The following TENM4 variants were observed in gnomAD, a reference collection of about 807,000 sequenced individuals.
TENM4 encodes the protein teneurin transmembrane protein 4.
A neutral mutation model predicts 243.3 loss-of-function variants in TENM4; 82 were observed. The ratio of observed to expected loss-of-function variants is 0.34; its 90% CI spans 0.28 to 0.40. The LOEUF (loss-of-function observed/expected upper bound fraction) is 0.40, where lower values mean the gene tolerates loss of function less well. Ranked by LOEUF, TENM4 falls within the 10% of genes least tolerant of loss-of-function variation. The pLI, the probability that TENM4 is intolerant of heterozygous loss-of-function variation, is 1.00. For missense variants in TENM4, 3,138 were observed against 3,673.3 expected, an observed-to-expected ratio of 0.85 and a Z score of 3.77; for synonymous variants, 1,412 against 1,456.3, an observed-to-expected ratio of 0.97 and a Z score of 0.69.
chr11:78,689,414 A>G (rs922391493), intron 28 of TENM4, among the ~76,000 whole-genome samples: 17 of 151,810 alleles, frequency 1.1e-4, no homozygotes, highest in Admixed American at 1.1e-3. Context: ...CTACATGGCA[A>G]TATTCCTGAC....
At chr11:79,099,673 C>A (rs1317006940) in intron 4 of TENM4, among the ~76,000 whole-genome samples, 2 of 152,214 alleles carry the variant, frequency 1.3e-5, no homozygotes, top group African/African-American at 4.8e-5. Context: ...TGCTGACACC[C>A]TATACATCTG....
At position 79,440,593 on chromosome 11, in the gene TENM4, T is replaced by C. The variant is rs1346266235; in HGVS notation, c.-405A>G. ...GCCGCGCCGGTGGCTCCTCTCTCTC[T>C]CGGCGGCGCGGCTCCTCTGCTCCGC... On this transcript the variant is annotated 5_prime_UTR_variant, in exon 1 of 34. Coordinates refer to ENST00000278550, the MANE Select transcript of TENM4 (RefSeq NM_001098816.3). This position sits in a 1 kb window ranked among gnomAD's most constrained non-coding sequence, Gnocchi z 4.7. The C allele has an allele frequency of 6.6e-6, 1 of 151,848 alleles. No homozygotes were observed. Among genetic ancestry groups the C allele is most frequent in the Non-Finnish European group, 1.5e-5 (1 of 67,982 alleles). 9.4% of individuals were successfully genotyped at this position (151,848 alleles called of 1,614,324 possible). A position where few individuals can be genotyped will look rare whatever the true frequency, so the allele number is the denominator to read the frequency against.
rs575941766 is a variant in TENM4, at chr11:79,245,354, G to A, written c.-264-29445C>T. Among the ~76,000 whole-genome samples, 30 of 152,314 alleles carry A rather than the reference G, an allele frequency of 2.0e-4. 1 individual carries two copies. The highest frequency in any genetic ancestry group is 3.4e-3 in the Middle Eastern group (1 of 294). On this transcript the variant is annotated intron_variant, in intron 2 of 33. Transcript: ENST00000278550. ...AACTTGAACTAGGACGTGGATCAGT[G>A]TGCAGTTGTCAATAGGGCATTAGCC... is the stretch of plus-strand genomic sequence containing the variant.
intron 7 of TENM4, among the ~76,000 whole-genome samples, chr11:78,900,288 G>C (rs1040994560): frequency 2.0e-5 from 3 of 152,218 alleles, no homozygotes; most frequent in Non-Finnish European, 2.9e-5. Context: ...GAAGGTCTTG[G>C]TCCATAGCTA....
intron 21 of TENM4, among the ~76,000 whole-genome samples, chr11:78,731,119 A>G (rs1009144869): frequency 6.6e-6 from 1 of 152,236 alleles, no homozygotes; most frequent in African/African-American, 2.4e-5. Context: ...GCAGGCACCC[A>G]GCTCAGGGAG....
At chr11:79,310,121 C>A (rs565911177) in intron 1 of TENM4, among the ~76,000 whole-genome samples, 2 of 152,186 alleles carry the variant, frequency 1.3e-5, no homozygotes, top group Non-Finnish European at 2.9e-5. Flanking sequence ...GCTCAGTCTA[C>A]CCAGGGCCCA....
In TENM4 at chr11:78,872,253, G is replaced by C. The variant is rs761474823; in HGVS notation, c.1085-9121C>G. On this transcript the variant is annotated intron_variant, in intron 9 of 33. Coordinates refer to ENST00000278550, the MANE Select transcript of TENM4 (RefSeq NM_001098816.3). ...TGATCAGGACAAAAATGCAGCTTTT[G>C]TCAAATCACTATCAACAGGGCAAGC... 2.3e-3 allele frequency among the ~76,000 whole-genome samples: 355 copies of C among 152,248 alleles called. 5 individuals are homozygous for C. The highest frequency in any genetic ancestry group is 3.0e-3 in the Non-Finnish European group (203 of 68,022).
chr11:79,309,808 G>T (rs1856688703), intron 1 of TENM4, among the ~76,000 whole-genome samples: 1 of 152,160 alleles, frequency 6.6e-6, no homozygotes, highest in Non-Finnish European at 1.5e-5. Context: ...TATAGCATCG[G>T]TTTCCTCACC....
chr11:78,897,957 A>G (rs1309968196), intron 7 of TENM4, among the ~76,000 whole-genome samples: 2 of 152,216 alleles, frequency 1.3e-5, no homozygotes, highest in Admixed American at 6.5e-5. Context: ...AAGGTCTGGC[A>G]GCCTTCTGCT....
Position 78,816,908 on chromosome 11 carries a change from T to A in TENM4, c.1682-2513A>T, listed in dbSNP as rs550387394. On this transcript the variant is annotated intron_variant, in intron 12 of 33. Transcript: ENST00000278550. ...AAGAAAACCTAGTTTTGGGATCTAC[T>A]CTTAGTACCATGATCTGTGACCTAA... Among the ~76,000 whole-genome samples, 7 of 152,308 alleles carry A rather than the reference T, an allele frequency of 4.6e-5. No homozygotes were observed. In the South Asian group the frequency reaches 1.0e-3, roughly 23 times the overall value.
chr11:78,685,435 C>T (rs530057507), intron 29 of TENM4, among the ~76,000 whole-genome samples: 3 of 152,254 alleles, frequency 2.0e-5, no homozygotes, highest in Admixed American at 6.5e-5. Context: ...GGCAGAGCTA[C>T]CAAAGAGGAA....
At chr11:79,012,801 C>G (rs748644772) in intron 6 of TENM4, among the ~76,000 whole-genome samples, 2 of 152,162 alleles carry the variant, frequency 1.3e-5, no homozygotes, top group African/African-American at 4.8e-5. Context: ...CGAGGACGAC[C>G]TTTCCCAGCT....
chr11:78,778,318 T>G, intron 17 of TENM4, among the ~76,000 whole-genome samples: 2 of 82,256 alleles, frequency 2.4e-5, no homozygotes, highest in African/African-American at 6.7e-5. Flanking sequence ...AAGGTGTATG[T>G]ATGTGGGGCG....
chr11:78,865,635 C>G (rs370642476), intron 9 of TENM4, among the ~76,000 whole-genome samples: 3 of 152,224 alleles, frequency 2.0e-5, no homozygotes, highest in African/African-American at 7.2e-5. Flanking sequence ...AAAAAACTAC[C>G]GAGGAGACTG....
intron 9 of TENM4, among the ~76,000 whole-genome samples, chr11:78,863,889 G>T (rs1858890590): frequency 6.6e-6 from 1 of 152,128 alleles, no homozygotes; most frequent in South Asian, 2.1e-4. Flanking sequence ...TACATACAAG[G>T]TTATTCACTT....
chr11:78,858,027 T>A (rs1591076022), intron 10 of TENM4, among the ~76,000 whole-genome samples: 1 of 152,340 alleles, frequency 6.6e-6, no homozygotes, highest in Non-Finnish European at 1.5e-5. Context: ...GTTTCCTTTG[T>A]GAGTAGGTGG....
chr11:79,230,863 T>C (rs1028361028), intron 2 of TENM4, among the ~76,000 whole-genome samples: 1 of 152,184 alleles, frequency 6.6e-6, no homozygotes, highest in Admixed American at 6.5e-5. Context: ...TACACACATA[T>C]AAGCCAACCA....
At position 78,856,182 on chromosome 11, in the gene TENM4, C is replaced by T. The variant is rs749925748; in HGVS notation, c.1256-4G>A. On this transcript the variant is annotated splice_region_variant and splice_polypyrimidine_tract_variant and intron_variant, in intron 10 of 33. Coordinates refer to ENST00000278550, the MANE Select transcript of TENM4 (RefSeq NM_001098816.3). ...GGAAAGAAACTACTGGGCTTTCCTA[C>T]CAAGATAGAGGGAAGGGAAGACAAA... The T allele has an allele frequency of 3.2e-6, 5 of 1,550,760 alleles. No homozygotes were observed. The South Asian group carries it at 6.0e-5, about 18-fold the overall frequency.
chr11:79,296,956 G>A lies in TENM4; in HGVS notation c.-265+532C>T, dbSNP rs548185805. On this transcript the variant is annotated intron_variant, in intron 2 of 33. Coordinates refer to ENST00000278550, the MANE Select transcript of TENM4 (RefSeq NM_001098816.3). ...ATTTATCTTGTTCTCAGTGCCCAGC[G>A]CCGAGACTGGGACTAAATACCCTGG... Among the ~76,000 whole-genome samples the A allele has an allele frequency of 5.0e-4, 76 of 152,310 alleles. 1 individual carries two copies. Among genetic ancestry groups the A allele is most frequent in the African/African-American group, 1.7e-3 (70 of 41,572 alleles).
Sources: allele counts gnomAD v4.1 joint callset (sites outside exome capture counted in the v4.1 genomes callset), GRCh38; gene constraint gnomAD v4.1.1; non-coding constraint Gnocchi (gnomAD v3.1); transcripts MANE v1.5; gene names NCBI Gene and HGNC (gene_info 2026-07-23, HGNC 2026-07-21).